The following GRM5 variants were observed in gnomAD, a reference collection of about 807,000 sequenced individuals.
GRM5 encodes the protein glutamate metabotropic receptor 5.
In GRM5, 19 loss-of-function variants were observed where a neutral mutation model predicts 83.1. That is an observed-to-expected ratio of 0.23 (90% CI 0.16 to 0.34). The LOEUF (loss-of-function observed/expected upper bound fraction) is 0.34. Among genes scored for constraint, GRM5 ranks in the 10% least tolerant of loss-of-function variants. The probability of loss-of-function intolerance (pLI) is 1.00; values close to 1 mark genes in which losing one functional copy is unlikely to be tolerated. For synonymous variants in GRM5, 675 were observed against 633.6 expected, an observed-to-expected ratio of 1.07 and a Z score of -0.98; for missense variants, 1,160 against 1,588.3, an observed-to-expected ratio of 0.73 and a Z score of 4.58.
intron 2 of GRM5, among the ~76,000 whole-genome samples, chr11:88,947,731 C>T (rs117904549): frequency 0.014 from 2,183 of 152,184 alleles, 40 homozygotes; most frequent in East Asian, 0.07. Context: ...GAAGAGGGGT[C>T]ACCAGGGCTT....
In GRM5 at chr11:88,667,897, G is replaced by C. The variant is rs533405591; in HGVS notation, c.912-14494C>G. Among the ~76,000 whole-genome samples the C allele has an allele frequency of 3.1e-5, 4 of 130,872 alleles. 1 individual carries two copies. The highest frequency in any genetic ancestry group is 7.7e-3 in the Middle Eastern group (2 of 260). The allele number at this position is 130,872 out of a possible 152,430, so 85.9% of individuals were successfully genotyped here. On this transcript the variant is annotated intron_variant, in intron 3 of 9. Transcript: ENST00000305447. ...GACAGAGGGAGACTCTATCAAAAAA[G>C]AAAAAAAAAAGAAAAAAAATGTTAA... is the stretch of plus-strand genomic sequence containing the variant.
intron 2 of GRM5, among the ~76,000 whole-genome samples, chr11:88,897,427 T>C (rs746757538): frequency 6.6e-6 from 1 of 151,938 alleles, no homozygotes; most frequent in African/African-American, 2.4e-5. Context: ...AAAAAGTCTA[T>C]TATTCCTTCT....
chr11:88,963,715 G>A (rs1354523450), intron 2 of GRM5, among the ~76,000 whole-genome samples: 15 of 152,050 alleles, frequency 9.9e-5, no homozygotes, highest in Admixed American at 9.2e-4. Flanking sequence ...TATGGTATGT[G>A]ACCCTTTATT....
intron 3 of GRM5, among the ~76,000 whole-genome samples, chr11:88,836,246 C>G (rs1356400804): frequency 6.6e-6 from 1 of 152,160 alleles, no homozygotes; most frequent in Non-Finnish European, 1.5e-5. Flanking sequence ...CTGTTCAATT[C>G]TGCTATTATA....
chr11:88,736,162 G>T (rs1394120749), intron 3 of GRM5, among the ~76,000 whole-genome samples: 1 of 152,006 alleles, frequency 6.6e-6, no homozygotes, highest in Non-Finnish European at 1.5e-5. Flanking sequence ...GACAATTTCA[G>T]TTTTAACATT....
intron 3 of GRM5, among the ~76,000 whole-genome samples, chr11:88,756,596 T>C (rs1368993654): frequency 1.3e-5 from 2 of 152,142 alleles, no homozygotes; most frequent in Non-Finnish European, 2.9e-5. Context: ...AAAAATTATA[T>C]AGCAACTATG....
chr11:88,681,576 T>C (rs1340670992), intron 3 of GRM5, among the ~76,000 whole-genome samples: 1 of 95,934 alleles, frequency 1.0e-5, no homozygotes, highest in African/African-American at 3.5e-5. Flanking sequence ...TTTTTTTTTT[T>C]TTTTTTTTTT....
intron 2 of GRM5, among the ~76,000 whole-genome samples, chr11:88,928,907 TACAC>T (rs1555043262): frequency 6.8e-4 from 95 of 138,756 alleles, no homozygotes; most frequent in Admixed American, 1.8e-3. Flanking sequence ...TATGTGTATA[TACAC>T]ACACACACAC....
intron 4 of GRM5, among the ~76,000 whole-genome samples, chr11:88,645,470 C>G (rs1032762846): frequency 4.6e-5 from 7 of 151,974 alleles, no homozygotes; most frequent in Non-Finnish European, 1.0e-4. Flanking sequence ...AATGAAAGAT[C>G]ACAATTCATG....
chr11:89,012,792 A>T (rs779045218), intron 2 of GRM5, among the ~76,000 whole-genome samples: 1 of 152,236 alleles, frequency 6.6e-6, no homozygotes, highest in African/African-American at 2.4e-5. Context: ...GTCAAAGAGC[A>T]AGAAAGCAAT....
chr11:88,551,600 GAT>G (rs1942510050), intron 8 of GRM5, among the ~76,000 whole-genome samples: 1 of 152,148 alleles, frequency 6.6e-6, no homozygotes, highest in African/African-American at 2.4e-5. Flanking sequence ...TAGAGAAATT[GAT>G]ACATTTTAGT....
At chr11:88,649,354 A>G (rs1939566505) in intron 4 of GRM5, among the ~76,000 whole-genome samples, 1 of 141,290 alleles carries the variant, frequency 7.1e-6, no homozygotes, top group Non-Finnish European at 1.5e-5. Flanking sequence ...TTACATATAC[A>G]TAATATATTA....
At chr11:88,704,801 T>C (rs1353477106) in intron 3 of GRM5, among the ~76,000 whole-genome samples, 1 of 152,050 alleles carries the variant, frequency 6.6e-6, no homozygotes, top group Non-Finnish European at 1.5e-5. Context: ...CTATACTTTT[T>C]CTGTTCTCTC....
At chr11:88,875,759 C>G (rs569498951) in intron 2 of GRM5, among the ~76,000 whole-genome samples, 1 of 152,184 alleles carries the variant, frequency 6.6e-6, no homozygotes, top group African/African-American at 2.4e-5. Context: ...AATTTTTCAT[C>G]AGAGCTCTTG....
chr11:88,920,413 CAAAAAAA>C (rs1366234382), intron 2 of GRM5, among the ~76,000 whole-genome samples: 1 of 41,082 alleles, frequency 2.4e-5, no homozygotes, highest in Non-Finnish European at 4.5e-5. Flanking sequence ...TTCTCCCAGC[CAAAAAAA>C]AAAAAAAACC....
Position 88,604,847 on chromosome 11 carries a change from T to A in GRM5, c.1265A>T (p.Tyr422Phe). The A allele has an allele frequency of 1.2e-6, 2 of 1,614,024 alleles. No homozygotes were observed. The highest frequency in any genetic ancestry group is 1.7e-6 in the Non-Finnish European group (2 of 1,179,906). Residue 422 changes from tyrosine (Y) to phenylalanine (F), a missense_variant, in exon 5 of 10, where the codon TAT (tyrosine) becomes TTT (phenylalanine). Physicochemically the swap from Tyr to Phe is conservative, Grantham distance 22. Transcript: ENST00000305447. ...HNMQMSLCPG[Y>F]AGLCDAMKPI... is the part of the protein sequence containing the mutation. ...CTTCATGGCATCACAGAGTCCTGCA[T>A]AGCCTGGGCAGAGGGACATCTGCAT...
chr11:88,573,330 T>C (rs923397664), intron 7 of GRM5, among the ~76,000 whole-genome samples: 2 of 152,202 alleles, frequency 1.3e-5, no homozygotes, highest in Non-Finnish European at 1.5e-5. Flanking sequence ...ATGTGACTCC[T>C]CATTCACAGC....
chr11:88,818,419 A>C, intron 3 of GRM5, among the ~76,000 whole-genome samples: 1 of 152,238 alleles, frequency 6.6e-6, no homozygotes, highest in Middle Eastern at 3.4e-3. Context: ...TTGGCTCCAT[A>C]AAAATAAGAA....
At chr11:88,845,103 A>G (rs1944275274) in intron 3 of GRM5, among the ~76,000 whole-genome samples, 2 of 152,342 alleles carry the variant, frequency 1.3e-5, no homozygotes, top group Non-Finnish European at 2.9e-5. Flanking sequence ...AATGCCATCA[A>G]ACAACATTTC....
Sources: allele counts gnomAD v4.1 joint callset (sites outside exome capture counted in the v4.1 genomes callset), GRCh38; gene constraint gnomAD v4.1.1; transcripts MANE v1.5; gene names NCBI Gene and HGNC (gene_info 2026-07-23, HGNC 2026-07-21).